The following EBPL variants were observed in gnomAD, a reference collection of about 807,000 sequenced individuals.
EBPL encodes emopamil-binding protein-like.
EBPL carries 20 observed loss-of-function variants against 19.0 expected under a neutral mutation model. The observed-to-expected ratio is 1.05, with a 90% CI of 0.74 to 1.53. The LOEUF (loss-of-function observed/expected upper bound fraction) is 1.53. Among genes scored for constraint, EBPL ranks in the 40% most tolerant of loss-of-function variants. The pLI is 0.00. For synonymous variants in EBPL, 107 were observed against 117.0 expected (o/e 0.91, Z 0.55); for missense variants, 219 against 261.1 (o/e 0.84, Z 1.11).
rs1965133931 is a variant in EBPL, at chr13:49,660,863, C to T, written c.*105G>A. 1 of 1,065,492 alleles carries T rather than the reference C, an allele frequency of 9.4e-7. No individual in the cohort carries two copies. The allele number at this position is 1,065,492 out of a possible 1,614,324, so 66.0% of individuals were successfully genotyped here. A position where few individuals can be genotyped will look rare whatever the true frequency, so the allele number is the denominator to read the frequency against. On this transcript the variant is annotated 3_prime_UTR_variant, in exon 4 of 4. Coordinates refer to ENST00000242827, the MANE Select transcript of EBPL (RefSeq NM_032565.5). ...AACAGGTTGTTCAGGAGCAACAATA[C>T]AAAAACAAAGTGTAGACTGGAATGT... is the stretch of plus-strand genomic sequence containing the variant.
At chr13:49,676,305 A>G (rs1953874888) in intron 1 of EBPL, among the ~76,000 whole-genome samples, 1 of 152,114 alleles carries the variant, frequency 6.6e-6, no homozygotes, top group Admixed American at 6.6e-5. Context: ...TTAAAACCCT[A>G]GTGAGGCCGG....
chr13:49,663,147 G>A lies in EBPL; in HGVS notation c.290C>T (p.Thr97Ile). The change falls in exon 3 of 4, where the codon ACC becomes ATC. Residue 97 changes from threonine (T) to isoleucine (I), a missense_variant. Physicochemically the swap from Thr to Ile is moderately conservative, Grantham distance 89 (BLOSUM62 -1). Coordinates refer to ENST00000242827, the MANE Select transcript of EBPL (RefSeq NM_032565.5). ...ADARWVYFDP[T>I]IVSVEILTVA... Reference sequence around the variant, plus strand: ...GGTCAGAATTTCCACAGACACAATGGTTGGATCAAAATAAACCCATCTTGC... The same window carrying A: ...GGTCAGAATTTCCACAGACACAATGATTGGATCAAAATAAACCCATCTTGC... 3 of 1,614,142 alleles carry A rather than the reference G, an allele frequency of 1.9e-6. No individual in the cohort carries two copies. The highest frequency in any genetic ancestry group is 2.5e-6 in the Non-Finnish European group (3 of 1,180,042).
At chr13:49,672,618 G>A (rs1445530603) in intron 1 of EBPL, among the ~76,000 whole-genome samples, 1 of 152,206 alleles carries the variant, frequency 6.6e-6, no homozygotes, top group Non-Finnish European at 1.5e-5. Flanking sequence ...AATCTGGTTA[G>A]AAGATGGGCA....
chr13:49,663,584 A>G (rs1464484864), intron 2 of EBPL, among the ~76,000 whole-genome samples: 2 of 152,218 alleles, frequency 1.3e-5, no homozygotes, highest in Non-Finnish European at 2.9e-5. Flanking sequence ...AAATTTCCAT[A>G]TAAATTCTGT....
intron 1 of EBPL, among the ~76,000 whole-genome samples, chr13:49,674,993 C>A (rs7319110): frequency 6.6e-6 from 1 of 151,996 alleles, no homozygotes; most frequent in Non-Finnish European, 1.5e-5. Flanking sequence ...CTCTCTCAGC[C>A]CAACACCCAG....
rs1237727622 is a variant in EBPL at position 49,691,301 on chromosome 13, C to A, written c.124G>T (p.Gly42Trp). The change falls in exon 1 of 4, where the codon GGG becomes TGG. Residue 42 changes from glycine (G) to tryptophan (W), a missense_variant. By Grantham distance (184) the Gly-to-Trp change is radical. Transcript: ENST00000242827. ...LGRGQGAADR[G>W]ALIWLCYDAL... The stretch of plus-strand genomic sequence containing the variant: ...TCGTAGCAGAGCCAGATGAGCGCCC[C>A]GCGGTCCGCCGCCCCCTGCCCGCGG... The A allele has an allele frequency of 2.2e-6, 3 of 1,372,044 alleles. No homozygotes were observed. Among genetic ancestry groups the A allele is most frequent in the African/African-American group, 1.5e-5 (1 of 66,516 alleles). 85.0% of individuals were successfully genotyped at this position (1,372,044 alleles called of 1,614,324 possible).
intron 1 of EBPL, among the ~76,000 whole-genome samples, chr13:49,680,783 T>C (rs1358008820): frequency 2.0e-5 from 3 of 151,924 alleles, no homozygotes; most frequent in African/African-American, 7.3e-5. Flanking sequence ...GATTGTGCCA[T>C]TGCACTCCAG....
At chr13:49,662,318 T>C (rs1163912309) in intron 3 of EBPL, among the ~76,000 whole-genome samples, 1 of 152,148 alleles carries the variant, frequency 6.6e-6, no homozygotes, top group East Asian at 1.9e-4. Flanking sequence ...GCCTGCCCCA[T>C]ATCCTTCACA....
intron 1 of EBPL, among the ~76,000 whole-genome samples, chr13:49,675,877 T>TA (rs1953870100): frequency 1.1e-5 from 1 of 93,624 alleles, no homozygotes; most frequent in African/African-American, 2.8e-5. Context: ...TTGTTGTTAT[T>TA]GTTTTTTTTT....
intron 1 of EBPL, among the ~76,000 whole-genome samples, chr13:49,672,803 T>C (rs539993044): frequency 2.1e-4 from 32 of 152,314 alleles, no homozygotes; most frequent in African/African-American, 7.2e-4. Flanking sequence ...TTCACGCCTG[T>C]AATCCCAGCA....
At chr13:49,666,511 G>A (rs958165671) in intron 2 of EBPL, among the ~76,000 whole-genome samples, 6 of 152,042 alleles carry the variant, frequency 3.9e-5, no homozygotes, top group African/African-American at 1.4e-4. Flanking sequence ...AGGAGTTTGA[G>A]ACCAGCTTGG....
At chr13:49,662,502 T>G (rs916203730) in intron 3 of EBPL, among the ~76,000 whole-genome samples, 3 of 152,228 alleles carry the variant, frequency 2.0e-5, no homozygotes, top group Non-Finnish European at 4.4e-5. Flanking sequence ...TCCAAGAGCG[T>G]TAGCACCATT....
intron 1 of EBPL, among the ~76,000 whole-genome samples, chr13:49,679,404 C>T (rs1953918067): frequency 1.3e-5 from 2 of 152,230 alleles, no homozygotes; most frequent in Admixed American, 6.5e-5. Context: ...GCCTGGTCAA[C>T]AGCAAAGGGC....
intron 2 of EBPL, 100 bp downstream of exon 2, chr13:49,669,677 T>A (rs1953789121): frequency 9.7e-7 from 1 of 1,034,570 alleles, no homozygotes; most frequent in African/African-American, 1.6e-5. Context: ...GGACATTTCA[T>A]ATAAATGAAG....
chr13:49,684,704 A>C (rs1213532882), intron 1 of EBPL, among the ~76,000 whole-genome samples: 2 of 152,166 alleles, frequency 1.3e-5, no homozygotes, highest in East Asian at 1.9e-4. Flanking sequence ...ACAAAATACA[A>C]AGGAGAAATA....
chr13:49,669,773 T>C lies in EBPL; in HGVS notation c.241+4A>G. ...TTCAAACGCAAACGTTTTTAATTACTTACATAAAGAAGCAATCAAGCCATC... is the reference window on the plus strand; with the variant it reads ...TTCAAACGCAAACGTTTTTAATTACCTACATAAAGAAGCAATCAAGCCATC... On this transcript the variant is annotated splice_donor_region_variant and intron_variant, in intron 2 of 3. Coordinates refer to ENST00000242827, the MANE Select transcript of EBPL (RefSeq NM_032565.5). 1 of 1,613,714 alleles carries C rather than the reference T, an allele frequency of 6.2e-7. No homozygotes were observed. The highest frequency in any genetic ancestry group is 2.2e-5 in the East Asian group (1 of 44,888).
chr13:49,690,118 C>G (rs977299844), intron 1 of EBPL, among the ~76,000 whole-genome samples: 6 of 148,894 alleles, frequency 4.0e-5, no homozygotes, highest in Admixed American at 1.4e-4. Flanking sequence ...CCACTACACT[C>G]CAGCCTGGGC....
chr13:49,689,574 C>T (rs1954037944), intron 1 of EBPL, among the ~76,000 whole-genome samples: 1 of 152,140 alleles, frequency 6.6e-6, no homozygotes, highest in Non-Finnish European at 1.5e-5. Context: ...GTCTTGAACT[C>T]CTGACCTCGT....
At chr13:49,689,119 C>A (rs1954032857) in intron 1 of EBPL, among the ~76,000 whole-genome samples, 2 of 152,078 alleles carry the variant, frequency 1.3e-5, no homozygotes, top group South Asian at 4.1e-4. Context: ...GTAGTTGATT[C>A]TTCTAATATG....
Sources: allele counts gnomAD v4.1 joint callset (sites outside exome capture counted in the v4.1 genomes callset), GRCh38; gene constraint gnomAD v4.1.1; transcripts MANE v1.5; gene names NCBI Gene and HGNC (gene_info 2026-07-23, HGNC 2026-07-21).